Variants in TOM1L2 observed in about 807,000 individuals in gnomAD.
TOM1L2 encodes target of myb1 like 2 membrane trafficking protein, also known as TOM1-like protein 2.
TOM1L2 carries 31 observed loss-of-function variants against 67.9 expected under a neutral mutation model. The observed-to-expected ratio is 0.46, with a 90% CI of 0.34 to 0.62. The LOEUF (loss-of-function observed/expected upper bound fraction) is 0.62, where lower values mean the gene tolerates loss of function less well. Ranked by LOEUF, TOM1L2 falls within the 20% of genes least tolerant of loss-of-function variation. TOM1L2 has a pLI of 0.01. For synonymous variants in TOM1L2, 256 were observed against 254.0 expected (o/e 1.01, Z -0.07); for missense variants, 606 against 663.5 (o/e 0.91, Z 0.95).
chr17:17,968,578 T>C (rs2041949566), intron 1 of TOM1L2, among the ~76,000 whole-genome samples: 1 of 150,986 alleles, frequency 6.6e-6, no homozygotes, highest in Non-Finnish European at 1.5e-5. Context: ...GACAGGAGAA[T>C]CGCTTGAACT....
At chr17:17,892,419 AC>A (rs1279435752) in intron 4 of TOM1L2, among the ~76,000 whole-genome samples, 1 of 151,814 alleles carries the variant, frequency 6.6e-6, no homozygotes, top group African/African-American at 2.4e-5. Flanking sequence ...AGCACTAATC[AC>A]CCAGGCTGGA....
At chr17:17,905,636 G>A (rs562921400) in intron 2 of TOM1L2, among the ~76,000 whole-genome samples, 21 of 152,210 alleles carry the variant, frequency 1.4e-4, no homozygotes, top group African/African-American at 4.1e-4. Context: ...ACTCCTAGGC[G>A]TAAGCAATCT....
intron 2 of TOM1L2, among the ~76,000 whole-genome samples, chr17:17,906,967 G>A (rs1281198593): frequency 6.6e-6 from 1 of 152,244 alleles, no homozygotes; most frequent in Non-Finnish European, 1.5e-5. Context: ...TGCAGGAGGG[G>A]CAACGTGTTC....
chr17:17,853,752 C>T (rs866688434), intron 12 of TOM1L2, among the ~76,000 whole-genome samples: 1 of 152,226 alleles, frequency 6.6e-6, no homozygotes, highest in South Asian at 2.1e-4. Flanking sequence ...CCTCTCTGGA[C>T]CCCACTTTCT....
intron 1 of TOM1L2, among the ~76,000 whole-genome samples, chr17:17,966,591 G>A (rs1034687209): frequency 3.9e-5 from 6 of 152,148 alleles, no homozygotes; most frequent in South Asian, 2.1e-4. Context: ...TGATTCCCTT[G>A]CGGCTGAATC....
chr17:17,848,709 C>G, intron 14 of TOM1L2, 114 bp downstream of exon 14: 1 of 1,210,418 alleles, frequency 8.3e-7, no homozygotes, highest in Middle Eastern at 2.7e-4. Flanking sequence ...GGCTCAGGGC[C>G]TGGCACCAGT....
At position 17,861,547 on chromosome 17, in the gene TOM1L2, T is replaced by G; in HGVS notation, c.1207A>C (p.Thr403Pro). The G allele has an allele frequency of 6.2e-7, 1 of 1,614,030 alleles. No individual in the cohort carries two copies. The highest frequency in any genetic ancestry group is 8.5e-7 in the Non-Finnish European group (1 of 1,179,960). Residue 403 changes from threonine to proline, a missense_variant, in exon 12 of 15, where the codon ACC becomes CCC. Thr to Pro is a conservative substitution (Grantham distance 38). Transcript: ENST00000379504. ...NSLAEQRKTV[T>P]YEDPQAVGGL... ...CCGACAGCCTGAGGATCCTCATAGGTTACCCTGGAGATGAAGAAGCAGCAC... is the reference window on the plus strand; with the variant it reads ...CCGACAGCCTGAGGATCCTCATAGGGTACCCTGGAGATGAAGAAGCAGCAC...
rs543552912 is a variant in TOM1L2, at chr17:17,865,748, T to C, written c.1084+548A>G. Reference sequence around the variant, plus strand: ...AACATGGCAGGTGACCTTTCTTTTTTTTTTTTTTTTTTTTGAGACAGTGTC... The same window carrying C: ...AACATGGCAGGTGACCTTTCTTTTTCTTTTTTTTTTTTTTGAGACAGTGTC... On this transcript the variant is annotated intron_variant, in intron 10 of 14. Transcript: ENST00000379504. Among the ~76,000 whole-genome samples, 461 of 145,778 alleles carry C rather than the reference T, an allele frequency of 3.2e-3. 1 individual carries two copies. Among genetic ancestry groups the C allele is most frequent in the African/African-American group, 0.011 (426 of 39,620 alleles).
chr17:17,900,919 C>A (rs1400175823), intron 2 of TOM1L2, among the ~76,000 whole-genome samples: 2 of 152,230 alleles, frequency 1.3e-5, no homozygotes, highest in Non-Finnish European at 2.9e-5. Context: ...CCCACAGCTG[C>A]CACACCCCTC....
chr17:17,912,888 G>A (rs1451550954), intron 1 of TOM1L2, among the ~76,000 whole-genome samples: 1 of 152,172 alleles, frequency 6.6e-6, no homozygotes, highest in Non-Finnish European at 1.5e-5. Flanking sequence ...CACTCCAGCC[G>A]GGGCACCACT....
At chr17:17,856,813 G>C (rs1240437940) in intron 12 of TOM1L2, among the ~76,000 whole-genome samples, 1 of 152,200 alleles carries the variant, frequency 6.6e-6, no homozygotes, top group Non-Finnish European at 1.5e-5. Flanking sequence ...CATGCACCAG[G>C]CTCAGGCCAC....
At position 17,844,378 on chromosome 17, in the gene TOM1L2, T is replaced by C. The variant is rs1246861951; in HGVS notation, c.*3257A>G. 3 of 151,596 alleles carry C rather than the reference T, an allele frequency of 2.0e-5. No homozygotes were observed. The highest frequency in any genetic ancestry group is 4.9e-5 in the African/African-American group (2 of 41,160). The allele number at this position is 151,596 out of a possible 1,614,324, so 9.4% of individuals were successfully genotyped here. On this transcript the variant is annotated 3_prime_UTR_variant, in exon 15 of 15. Transcript: ENST00000379504. Reference sequence around the variant, plus strand: ...CCCCAACTCTCCGGGCTGGGTCCTCTCCTCCCCAGGGGCTGGAGTGACAGC... The same window carrying C: ...CCCCAACTCTCCGGGCTGGGTCCTCCCCTCCCCAGGGGCTGGAGTGACAGC...
chr17:17,877,425 G>GCT, intron 7 of TOM1L2, among the ~76,000 whole-genome samples: 1 of 152,278 alleles, frequency 6.6e-6, no homozygotes, highest in Admixed American at 6.5e-5. Context: ...CTGCCCTCCA[G>GCT]CTTGATGGAG....
In TOM1L2 at chr17:17,928,598, C is replaced by T. The variant is rs1295057352; in HGVS notation, c.53-21067G>A. ...CGGCCCCCGCGTGAGCATGCACACA[C>T]GAGATGAATTAATTGCACTCTTCTG... On this transcript the variant is annotated intron_variant, in intron 1 of 14. Transcript: ENST00000379504. 3.3e-5 allele frequency among the ~76,000 whole-genome samples: 5 copies of T among 152,210 alleles called. No individual in the cohort carries two copies. In the East Asian group the frequency reaches 7.7e-4, roughly 23 times the overall value.
At chr17:17,875,952 C>T (rs965225685) in intron 7 of TOM1L2, among the ~76,000 whole-genome samples, 15 of 152,174 alleles carry the variant, frequency 9.9e-5, no homozygotes, top group African/African-American at 3.1e-4. Context: ...TGAAATGAGA[C>T]GCAAGAAGCA....
chr17:17,867,550 C>A (rs2143812489), intron 8 of TOM1L2, among the ~76,000 whole-genome samples: 1 of 152,334 alleles, frequency 6.6e-6, no homozygotes, highest in African/African-American at 2.4e-5. Flanking sequence ...GCCAGGTCAT[C>A]CTCCTGTCAG....
At chr17:17,884,849 T>C (rs2037913077) in intron 4 of TOM1L2, 81 bp from the exon 5 acceptor site, 1 of 1,576,278 alleles carries the variant, frequency 6.3e-7, no homozygotes, top group Non-Finnish European at 8.6e-7. Context: ...CCACGTCCTC[T>C]CCCCGAGACC....
chr17:17,958,252 C>T (rs2041545620), intron 1 of TOM1L2, among the ~76,000 whole-genome samples: 1 of 152,136 alleles, frequency 6.6e-6, no homozygotes, highest in African/African-American at 2.4e-5. Flanking sequence ...TGTGCCCCAC[C>T]CAAAGTCTCA....
intron 1 of TOM1L2, among the ~76,000 whole-genome samples, chr17:17,945,065 G>A (rs945420146): frequency 5.9e-5 from 9 of 152,168 alleles, no homozygotes. Context: ...CAGGGCCGTG[G>A]ACACCAAAAT....
Sources: gnomAD v4.1 joint callset for allele counts (sites outside exome capture counted in the v4.1 genomes callset) on GRCh38, gnomAD v4.1.1 for gene constraint, MANE v1.5 for transcripts, NCBI Gene and HGNC (gene_info 2026-07-23, HGNC 2026-07-21) for gene names.